PUDP: variants seen among roughly 807,000 people sequenced by gnomAD.
PUDP encodes pseudouridine-5'-phosphatase.
Under a neutral mutation model 9.4 loss-of-function variants are expected in PUDP, and 8 were observed. That is an observed-to-expected ratio of 0.85 (90% CI 0.50 to 1.53). The LOEUF (loss-of-function observed/expected upper bound fraction) is 1.53. Ranked by LOEUF, PUDP falls within the 40% of genes most tolerant of loss-of-function variation. The probability of loss-of-function intolerance (pLI) is 0.00; values close to 1 mark genes in which losing one functional copy is unlikely to be tolerated. For missense variants in PUDP, 188 were observed against 189.7 expected, an observed-to-expected ratio of 0.99 and a Z score of 0.05; for synonymous variants, 99 against 80.7, an observed-to-expected ratio of 1.23 and a Z score of -1.22.
intron 3 of PUDP, among the ~76,000 whole-genome samples, chrX:6,746,242 G>A (rs745753949): frequency 8.9e-6 from 1 of 111,828 alleles, no homozygotes; most frequent in African/African-American, 3.3e-5. Context: ...AGAATCAATG[G>A]TTAATGCTTG....
intron 3 of PUDP, among the ~76,000 whole-genome samples, chrX:6,756,301 T>C (rs1459431610): frequency 8.9e-6 from 1 of 112,213 alleles, no homozygotes; most frequent in African/African-American, 3.2e-5. Flanking sequence ...TAGCACTACT[T>C]ATAGTAGCTT....
chrX:7,128,270 G>C (rs1417078995), intron 1 of PUDP, among the ~76,000 whole-genome samples: 5 of 111,496 alleles, frequency 4.5e-5, no homozygotes, highest in African/African-American at 1.6e-4. Flanking sequence ...TTGAACTCCT[G>C]GGCTCAAGTG....
chrX:7,106,560 C>T (rs955668751), intron 1 of PUDP, among the ~76,000 whole-genome samples: 2 of 112,352 alleles, frequency 1.8e-5, no homozygotes, highest in Non-Finnish European at 3.8e-5. Context: ...TACTGGCTCA[C>T]ACCCATTTCT....
At chrX:7,078,899 A>G (rs1930998285) in intron 2 of PUDP, among the ~76,000 whole-genome samples, 1 of 112,018 alleles carries the variant, frequency 8.9e-6, no homozygotes, top group Non-Finnish European at 1.9e-5. Context: ...AAAAATTACC[A>G]TGCTGCAAAG....
At chrX:6,859,264 C>T (rs993040592) in intron 3 of PUDP, among the ~76,000 whole-genome samples, 1 of 111,380 alleles carries the variant, frequency 9.0e-6, no homozygotes, top group Admixed American at 9.5e-5. Flanking sequence ...AATACAACAC[C>T]CCAGTTACAC....
intron 1 of PUDP, among the ~76,000 whole-genome samples, chrX:7,034,357 A>AT (rs1189284505): frequency 1.8e-5 from 2 of 111,362 alleles, no homozygotes; most frequent in African/African-American, 3.3e-5. Context: ...TCACACATGC[A>AT]TTTTTTTTAC....
Position 7,124,828 on chromosome X carries a change from G to C in PUDP, c.62-18990C>G, listed in dbSNP as rs1324269593. Among the ~76,000 whole-genome samples, 3 of 109,111 alleles carry C rather than the reference G, an allele frequency of 2.7e-5. No individual in the cohort carries two copies. The Admixed American group carries it at 2.9e-4, about 11-fold the overall frequency. The allele number at this position is 109,111 out of a possible 115,157, so 94.7% of individuals were successfully genotyped here. A position where few individuals can be genotyped will look rare whatever the true frequency, so the allele number is the denominator to read the frequency against. On this transcript the variant is annotated intron_variant, in intron 1 of 3. Coordinates refer to ENST00000381077, the MANE Select transcript of PUDP (RefSeq NM_012080.5). ...CCAGGCGTGGTGGCGGGCACCTGTA[G>C]TCCCAGCTACTCGGGAGGCTGAGGC...
intron 1 of PUDP, among the ~76,000 whole-genome samples, chrX:7,126,095 G>A (rs1602822106): frequency 8.9e-6 from 1 of 112,062 alleles, no homozygotes; most frequent in Non-Finnish European, 1.9e-5. Flanking sequence ...ATCATGAAAT[G>A]TAAGAAAAAC....
chrX:6,811,236 G>A (rs1926139177), intron 3 of PUDP, among the ~76,000 whole-genome samples: 1 of 111,306 alleles, frequency 9.0e-6, no homozygotes, highest in African/African-American at 3.3e-5. Context: ...AGGACTGACT[G>A]ATCTTGTGAA....
chrX:7,011,122 T>C (rs1853221969), intron 1 of PUDP, among the ~76,000 whole-genome samples: 1 of 112,217 alleles, frequency 8.9e-6, no homozygotes, highest in Non-Finnish European at 1.9e-5. Flanking sequence ...ATTGTAGAGA[T>C]ATTGAGTACA....
At chrX:7,123,038 C>A (rs763878003) in intron 1 of PUDP, among the ~76,000 whole-genome samples, 2 of 111,526 alleles carry the variant, frequency 1.8e-5, no homozygotes, top group Non-Finnish European at 3.8e-5. Flanking sequence ...ATTAAAAAAA[C>A]GTCTCTGGTG....
intron 3 of PUDP, among the ~76,000 whole-genome samples, chrX:7,065,726 T>C (rs1930532722): frequency 8.9e-6 from 1 of 111,972 alleles, no homozygotes; most frequent in Non-Finnish European, 1.9e-5. Flanking sequence ...TCACGGGCTT[T>C]ATTGCAAATT....
chrX:7,017,644 G>A lies in PUDP; in HGVS notation c.205-39301C>T, dbSNP rs1929569502. ...ATTTCTCAGAGTTCTTCCTAGAATT[G>A]GATGTTATATATGATCTACTTTACT... On this transcript the variant is annotated intron_variant and NMD_transcript_variant, in intron 1 of 3. Transcript: ENST00000655425. 2.7e-5 allele frequency among the ~76,000 whole-genome samples: 3 copies of A among 112,048 alleles called. No homozygotes were observed. The South Asian group carries it at 1.1e-3, about 42-fold the overall frequency.
At chrX:7,067,968 A>T (rs779291544) in intron 3 of PUDP, among the ~76,000 whole-genome samples, 1 of 111,408 alleles carries the variant, frequency 9.0e-6, no homozygotes, top group African/African-American at 3.3e-5. Context: ...TCCATGTAAG[A>T]CATGACTTGC....
At chrX:7,098,974 A>G (rs1931653449) in intron 2 of PUDP, among the ~76,000 whole-genome samples, 1 of 111,094 alleles carries the variant, frequency 9.0e-6, no homozygotes, top group Admixed American at 9.5e-5. Flanking sequence ...TGAGGAGCAC[A>G]TCTGCAAGGC....
At chrX:6,809,002 C>A (rs1488395128) in intron 3 of PUDP, among the ~76,000 whole-genome samples, 1 of 111,761 alleles carries the variant, frequency 8.9e-6, no homozygotes, top group Non-Finnish European at 1.9e-5. Flanking sequence ...TGCTCACGGG[C>A]TGGACACGTG....
intron 3 of PUDP, among the ~76,000 whole-genome samples, chrX:6,976,360 G>A (rs1344955750): frequency 2.7e-5 from 3 of 111,911 alleles, no homozygotes; most frequent in Non-Finnish European, 3.8e-5. Context: ...CCTGGTCTGC[G>A]GGTTGCAAAG....
At chrX:7,128,874 C>T (rs776184263) in intron 1 of PUDP, among the ~76,000 whole-genome samples, 4 of 111,704 alleles carry the variant, frequency 3.6e-5, no homozygotes, top group Non-Finnish European at 7.5e-5. Flanking sequence ...AGCGGGGGCC[C>T]AAGGTGCTCA....
chrX:6,942,230 TAAAAC>T (rs1281253588), intron 3 of PUDP, among the ~76,000 whole-genome samples: 1 of 112,417 alleles, frequency 8.9e-6, no homozygotes, highest in East Asian at 2.8e-4. Context: ...ATATTAAAAA[TAAAAC>T]AAAGTTCTAC....
Sources: allele counts gnomAD v4.1 joint callset (sites outside exome capture counted in the v4.1 genomes callset), GRCh38; gene constraint gnomAD v4.1.1; transcripts MANE v1.5; gene names NCBI Gene and HGNC (gene_info 2026-07-23, HGNC 2026-07-21).